PDZRN4: variants seen among roughly 807,000 people sequenced by gnomAD.
PDZRN4 encodes PDZ domain containing ring finger 4.
In PDZRN4, 70 loss-of-function variants were observed where a neutral mutation model predicts 99.0. The ratio of observed to expected loss-of-function variants is 0.71; its 90% CI spans 0.58 to 0.86. PDZRN4 has a LOEUF of 0.86. Ranked by LOEUF, PDZRN4 falls within the 40% of genes least tolerant of loss-of-function variation. The probability of loss-of-function intolerance (pLI) is 0.00; values close to 1 mark genes in which losing one functional copy is unlikely to be tolerated. For missense variants in PDZRN4, 1,474 were observed against 1,331.2 expected, an observed-to-expected ratio of 1.11 and a Z score of -1.67; for synonymous variants, 551 against 501.6, an observed-to-expected ratio of 1.10 and a Z score of -1.32.
At chr12:41,449,192 A>G (rs1952754289) in intron 3 of PDZRN4, among the ~76,000 whole-genome samples, 1 of 152,138 alleles carries the variant, frequency 6.6e-6, no homozygotes, top group Non-Finnish European at 1.5e-5. Context: ...TGTGGTTCAG[A>G]CATTGTTTTT....
intron 3 of PDZRN4, among the ~76,000 whole-genome samples, chr12:41,475,692 TTTTG>T (rs1953035892): frequency 1.3e-5 from 2 of 152,220 alleles, no homozygotes; most frequent in African/African-American, 2.4e-5. Context: ...AGCGCTCAAA[TTTTG>T]TTTATTTCTT....
At chr12:41,362,495 C>CTA (rs1266763713) in intron 3 of PDZRN4, among the ~76,000 whole-genome samples, 1 of 151,782 alleles carries the variant, frequency 6.6e-6, no homozygotes, top group African/African-American at 2.4e-5. Context: ...AAGATGGAGG[C>CTA]TATATATATA....
At chr12:41,450,738 A>G (rs1178529778) in intron 3 of PDZRN4, among the ~76,000 whole-genome samples, 1 of 152,160 alleles carries the variant, frequency 6.6e-6, no homozygotes, top group East Asian at 1.9e-4. Context: ...CCTGGCCAAC[A>G]TAGTAAAACC....
At chr12:41,559,195 A>T (rs1366246151) in intron 7 of PDZRN4, among the ~76,000 whole-genome samples, 3 of 152,092 alleles carry the variant, frequency 2.0e-5, no homozygotes, top group African/African-American at 7.2e-5. Flanking sequence ...ACACACACAC[A>T]CACACACACA....
chr12:41,387,741 C>T (rs922797698), intron 3 of PDZRN4, among the ~76,000 whole-genome samples: 5 of 152,170 alleles, frequency 3.3e-5, no homozygotes, highest in African/African-American at 1.2e-4. Flanking sequence ...CATCTCACAC[C>T]AGTCAGAATG....
intron 3 of PDZRN4, among the ~76,000 whole-genome samples, chr12:41,332,604 G>T (rs778952478): frequency 1.3e-5 from 2 of 151,858 alleles, no homozygotes; most frequent in Non-Finnish European, 1.5e-5. Flanking sequence ...CAGCCTACTG[G>T]CTGAAGTTTG....
At chr12:41,433,802 C>T (rs563997840) in intron 3 of PDZRN4, among the ~76,000 whole-genome samples, 2 of 152,330 alleles carry the variant, frequency 1.3e-5, no homozygotes, top group South Asian at 4.1e-4. Context: ...TTATGTACTA[C>T]ATTGGCAGCC....
chr12:41,364,168 T>A (rs1690836091), intron 3 of PDZRN4, among the ~76,000 whole-genome samples: 1 of 152,112 alleles, frequency 6.6e-6, no homozygotes, highest in South Asian at 2.1e-4. Flanking sequence ...GTATGGAACA[T>A]CCAGTGTATT....
chr12:41,554,868 C>A (rs1240254183), intron 6 of PDZRN4, among the ~76,000 whole-genome samples: 1 of 151,456 alleles, frequency 6.6e-6, no homozygotes, highest in Non-Finnish European at 1.5e-5. Flanking sequence ...TTGTAAATGT[C>A]TTTATATATA....
At position 41,469,008 on chromosome 12, in the gene PDZRN4, CAA is replaced by C. The variant is rs11322310; in HGVS notation, c.844-37433_844-37432del. On this transcript the variant is annotated intron_variant, in intron 3 of 9. Coordinates refer to ENST00000402685, the MANE Select transcript of PDZRN4 (RefSeq NM_001164595.2). The stretch of plus-strand genomic sequence containing the variant: ...TGGGCGACAGAGCAAGATTCTGTCT[CAA>C]AAAAAAAAAAAAAATTGTTACTCAA... 8.6e-3 allele frequency among the ~76,000 whole-genome samples: 1,220 copies of C among 141,156 alleles called. 10 individuals carry two copies. Among genetic ancestry groups the C allele is most frequent in the African/African-American group, 0.016 (608 of 38,664 alleles). 92.6% of individuals were successfully genotyped at this position (141,156 alleles called of 152,430 possible).
intron 3 of PDZRN4, among the ~76,000 whole-genome samples, chr12:41,422,391 T>C (rs1354798972): frequency 2.0e-5 from 3 of 152,176 alleles, no homozygotes; most frequent in Admixed American, 6.6e-5. Context: ...GTGTTGGTTA[T>C]CATTATTATA....
At chr12:41,212,908 G>T (rs1430978750) in intron 3 of PDZRN4, among the ~76,000 whole-genome samples, 1 of 152,018 alleles carries the variant, frequency 6.6e-6, no homozygotes, top group South Asian at 2.1e-4. Context: ...AAGGCTTAGT[G>T]TATTATAGGA....
At chr12:41,371,724 T>TA (rs988415978) in intron 3 of PDZRN4, among the ~76,000 whole-genome samples, 1 of 152,166 alleles carries the variant, frequency 6.6e-6, no homozygotes, top group Non-Finnish European at 1.5e-5. Context: ...GCTATGTACT[T>TA]AAAAAAGTGT....
intron 5 of PDZRN4, among the ~76,000 whole-genome samples, chr12:41,531,248 G>A (rs899083945): frequency 6.6e-6 from 1 of 152,102 alleles, no homozygotes; most frequent in Admixed American, 6.5e-5. Flanking sequence ...AGCCAGAAGG[G>A]AGATGATTTT....
chr12:41,368,217 T>C (rs1952016155), intron 3 of PDZRN4, among the ~76,000 whole-genome samples: 2 of 152,036 alleles, frequency 1.3e-5, no homozygotes, highest in South Asian at 4.2e-4. Context: ...ACCTGCACAA[T>C]TTGTTGCCAC....
At chr12:41,258,147 G>A (rs1951215637) in intron 3 of PDZRN4, among the ~76,000 whole-genome samples, 1 of 152,136 alleles carries the variant, frequency 6.6e-6, no homozygotes, top group Non-Finnish European at 1.5e-5. Flanking sequence ...TTAATGTGAA[G>A]CTGACAGAGA....
chr12:41,316,047 T>G (rs1331045524), intron 3 of PDZRN4, among the ~76,000 whole-genome samples: 1 of 152,110 alleles, frequency 6.6e-6, no homozygotes, highest in African/African-American at 2.4e-5. Flanking sequence ...CCTTCAGAAA[T>G]AAGTCTTAAA....
chr12:41,251,678 G>T (rs1312810274), intron 3 of PDZRN4, among the ~76,000 whole-genome samples: 1 of 152,118 alleles, frequency 6.6e-6, no homozygotes. Context: ...AAGACCCTTT[G>T]TATATGATCT....
At chr12:41,447,361 A>G (rs574132277) in intron 3 of PDZRN4, among the ~76,000 whole-genome samples, 2 of 152,290 alleles carry the variant, frequency 1.3e-5, no homozygotes, top group South Asian at 4.1e-4. Context: ...AAGATGGCAC[A>G]TTGTAGTGTT....
Sources: gnomAD v4.1 joint callset for allele counts (sites outside exome capture counted in the v4.1 genomes callset) on GRCh38, gnomAD v4.1.1 for gene constraint, MANE v1.5 for transcripts, NCBI Gene and HGNC (gene_info 2026-07-23, HGNC 2026-07-21) for gene names.